Variants in CNKSR2 observed in about 807,000 individuals in gnomAD.
CNKSR2 encodes connector enhancer of kinase suppressor of Ras 2, also known as CNK homolog protein 2.
In CNKSR2, 14 loss-of-function variants were observed where a neutral mutation model predicts 84.4. The ratio of observed to expected loss-of-function variants is 0.17; its 90% CI spans 0.11 to 0.26. The LOEUF (loss-of-function observed/expected upper bound fraction) is 0.26, where lower values mean the gene tolerates loss of function less well. Among genes scored for constraint, CNKSR2 ranks in the 10% least tolerant of loss-of-function variants. The pLI is 1.00. For missense variants in CNKSR2, 485 were observed against 771.2 expected (o/e 0.63, Z 4.40); for synonymous variants, 275 against 277.9 (o/e 0.99, Z 0.10).
chrX:21,398,325 A>G (rs1453464085), intron 1 of CNKSR2, among the ~76,000 whole-genome samples: 1 of 112,187 alleles, frequency 8.9e-6, no homozygotes, highest in East Asian at 2.8e-4. Context: ...CAAGTATTCA[A>G]TAAGTGAAAA....
At chrX:21,380,361 G>T (rs2089879890) in intron 1 of CNKSR2, among the ~76,000 whole-genome samples, 1 of 108,773 alleles carries the variant, frequency 9.2e-6, no homozygotes, top group African/African-American at 3.3e-5. Context: ...AGACTTTTAA[G>T]TATTAATACT....
At chrX:21,549,419 A>G (rs1457564957) in intron 11 of CNKSR2, among the ~76,000 whole-genome samples, 1 of 112,181 alleles carries the variant, frequency 8.9e-6, no homozygotes, top group African/African-American at 3.2e-5. Flanking sequence ...CAAAGAGGAC[A>G]CAAACAAATG....
At chrX:21,415,268 C>G (rs1329683091) in intron 1 of CNKSR2, among the ~76,000 whole-genome samples, 1 of 110,973 alleles carries the variant, frequency 9.0e-6, no homozygotes, top group Non-Finnish European at 1.9e-5. Context: ...AGATCTTTCA[C>G]TTCTTTGGTT....
chrX:21,604,160 A>G (rs1270800441), intron 18 of CNKSR2, among the ~76,000 whole-genome samples: 1 of 111,969 alleles, frequency 8.9e-6, no homozygotes, highest in African/African-American at 3.2e-5. Context: ...TCTCTCAAAG[A>G]CACACAGCTT....
chrX:21,591,097 G>A lies in CNKSR2; in HGVS notation c.1733G>A (p.Trp578Ter). 1 of 1,209,455 alleles carries A rather than the reference G, an allele frequency of 8.3e-7. No homozygotes were observed. The highest frequency in any genetic ancestry group is 1.1e-6 in the Non-Finnish European group (1 of 894,210). The change falls in exon 15 of 22, where the codon TGG becomes TAG. Residue 578 changes from tryptophan (W) to a stop codon, truncating the protein, a stop_gained. Transcript: ENST00000379510. LOFTEE classifies it high-confidence loss of function. ...LGRGDCEGWLWKKKDAKSYFS... is the reference protein window; with the variant it reads ...LGRGDCEGWL ...CGTGGTGACTGTGAGGGCTGGCTTT[G>A]GAAAAAGAAAGATGCGAAGAGTTAC... is the stretch of plus-strand genomic sequence containing the variant.
At chrX:21,647,568 G>A (rs2092709596) in intron 20 of CNKSR2, among the ~76,000 whole-genome samples, 1 of 111,740 alleles carries the variant, frequency 8.9e-6, no homozygotes, top group African/African-American at 3.3e-5. Flanking sequence ...CTGCCCACAT[G>A]GAATTCTAGC....
At chrX:21,400,959 T>G (rs945152169) in intron 1 of CNKSR2, among the ~76,000 whole-genome samples, 1 of 111,658 alleles carries the variant, frequency 9.0e-6, no homozygotes, top group African/African-American at 3.2e-5. Flanking sequence ...TCTTACTTCC[T>G]TACAAGTGTT....
intron 1 of CNKSR2, among the ~76,000 whole-genome samples, chrX:21,398,075 A>C (rs929736116): frequency 9.0e-6 from 1 of 111,551 alleles, no homozygotes; most frequent in Non-Finnish European, 1.9e-5. Flanking sequence ...TAGTGTTATA[A>C]AGCCTCAACA....
chrX:21,514,682 G>A lies in CNKSR2; in HGVS notation c.811-1803G>A, dbSNP rs183242943. 7.4e-3 allele frequency among the ~76,000 whole-genome samples: 818 copies of A among 111,278 alleles called. 2 individuals carry two copies. The highest frequency in any genetic ancestry group is 0.025 in the African/African-American group (775 of 30,748). On this transcript the variant is annotated intron_variant, in intron 8 of 21. Coordinates refer to ENST00000379510, the MANE Select transcript of CNKSR2 (RefSeq NM_014927.5). ...TAAATCATTGAGAATAGTTATGCTG[G>A]AAAAAAGATTGTGGCCATCACATTG...
intron 4 of CNKSR2, among the ~76,000 whole-genome samples, chrX:21,446,202 T>C (rs1239004231): frequency 9.0e-6 from 1 of 111,234 alleles, no homozygotes; most frequent in Admixed American, 9.6e-5. Context: ...AATGCTAATA[T>C]AGTAAGTCAG....
chrX:21,454,036 A>C (rs756338456), intron 4 of CNKSR2, among the ~76,000 whole-genome samples: 1 of 111,737 alleles, frequency 8.9e-6, no homozygotes, highest in South Asian at 3.8e-4. Flanking sequence ...ACCATATCCA[A>C]AGCCTTTCCA....
intron 1 of CNKSR2, among the ~76,000 whole-genome samples, chrX:21,414,622 A>C (rs1480511490): frequency 9.0e-6 from 1 of 111,482 alleles, no homozygotes; most frequent in Non-Finnish European, 1.9e-5. Context: ...GGTATTACTC[A>C]AGAAATCTTT....
chrX:21,468,430 G>T (rs1176608895), intron 4 of CNKSR2, among the ~76,000 whole-genome samples: 1 of 110,897 alleles, frequency 9.0e-6, no homozygotes, highest in Non-Finnish European at 1.9e-5. Context: ...TTCCATGTTT[G>T]ACTAGGGGGA....
chrX:21,543,533 A>G (rs928655985), intron 11 of CNKSR2, among the ~76,000 whole-genome samples: 11 of 112,458 alleles, frequency 9.8e-5, no homozygotes, highest in Non-Finnish European at 2.1e-4. Context: ...GTCTGTTTCT[A>G]TTGTAAAACT....
chrX:21,469,794 C>A (rs751360076), intron 4 of CNKSR2, among the ~76,000 whole-genome samples: 89 of 110,375 alleles, frequency 8.1e-4, no homozygotes, highest in Non-Finnish European at 1.5e-3. Context: ...TGCCTGTAAT[C>A]CCAGCTACTA....
At chrX:21,585,450 ATTCAT>A (rs2147238424) in intron 13 of CNKSR2, among the ~76,000 whole-genome samples, 1 of 107,105 alleles carries the variant, frequency 9.3e-6, no homozygotes, top group African/African-American at 3.4e-5. Context: ...TTATAAATAC[ATTCAT>A]TGTGAAAACA....
chrX:21,411,335 G>A (rs887922683), intron 1 of CNKSR2, among the ~76,000 whole-genome samples: 2 of 111,336 alleles, frequency 1.8e-5, no homozygotes, highest in African/African-American at 6.5e-5. Flanking sequence ...TAGGCGTAGA[G>A]GAATAAAATG....
At chrX:21,400,756 C>T (rs1193355285) in intron 1 of CNKSR2, among the ~76,000 whole-genome samples, 2 of 110,835 alleles carry the variant, frequency 1.8e-5, no homozygotes, top group African/African-American at 3.3e-5. Context: ...GTTCTATGAA[C>T]AAAAAGTTCA....
intron 2 of CNKSR2, chrX:21,427,180 G>A (rs763955930): frequency 8.9e-6 from 1 of 112,577 alleles, no homozygotes; most frequent in South Asian, 3.7e-4. Flanking sequence ...ACAGTTCTGG[G>A]TTTAAGCACC....
Sources: gnomAD v4.1 joint callset for allele counts (sites outside exome capture counted in the v4.1 genomes callset) on GRCh38, gnomAD v4.1.1 for gene constraint, MANE v1.5 for transcripts, NCBI Gene and HGNC (gene_info 2026-07-23, HGNC 2026-07-21) for gene names.